LYPLA1: variants seen among roughly 807,000 people sequenced by gnomAD.
LYPLA1 encodes lysophospholipase 1, also known as acyl-protein thioesterase 1.
LYPLA1 carries 17 observed loss-of-function variants against 34.0 expected under a neutral mutation model. The ratio of observed to expected loss-of-function variants is 0.50; its 90% CI spans 0.34 to 0.75. LYPLA1 has a LOEUF of 0.75. Among genes scored for constraint, LYPLA1 ranks in the 30% least tolerant of loss-of-function variants. The probability of loss-of-function intolerance (pLI) is 0.01; values close to 1 mark genes in which losing one functional copy is unlikely to be tolerated. For missense variants in LYPLA1, 203 were observed against 288.8 expected (o/e 0.70, Z 2.15); for synonymous variants, 98 against 100.8 (o/e 0.97, Z 0.17).
At chr8:54,062,697 A>G (rs1586100038) in intron 4 of LYPLA1, among the ~76,000 whole-genome samples, 1 of 152,020 alleles carries the variant, frequency 6.6e-6, no homozygotes, top group African/African-American at 2.4e-5. Flanking sequence ...TTTTTAGTAG[A>G]CATGGGGTTT....
At chr8:54,101,572 G>C in intron 1 of LYPLA1, 183 bp downstream of exon 1, 1 of 1,151,900 alleles carries the variant, frequency 8.7e-7, no homozygotes, top group Non-Finnish European at 1.1e-6. Flanking sequence ...CGCCGGCTGT[G>C]ACCCCCCGGC....
chr8:54,083,098 A>AAT (rs1808437638), intron 2 of LYPLA1, among the ~76,000 whole-genome samples: 2 of 152,212 alleles, frequency 1.3e-5, no homozygotes, highest in African/African-American at 4.8e-5. Context: ...TTAAAACATT[A>AAT]ATGTCACAAA....
At chr8:54,079,785 A>C (rs1464752931) in intron 2 of LYPLA1, among the ~76,000 whole-genome samples, 2 of 152,032 alleles carry the variant, frequency 1.3e-5, no homozygotes, top group African/African-American at 4.8e-5. Flanking sequence ...ACAGACTGAG[A>C]CCTCGTTTCC....
intron 2 of LYPLA1, among the ~76,000 whole-genome samples, chr8:54,084,124 G>GAAAAAAAAAAAAAA (rs201545035): frequency 1.1e-4 from 6 of 56,368 alleles, no homozygotes; most frequent in African/African-American, 5.4e-4. Flanking sequence ...GGAGACCAAA[G>GAAAAAAAAAAAAAA]AAAAAAAAAA....
At chr8:54,065,633 A>G (rs1807006764) in intron 3 of LYPLA1, 115 bp downstream of exon 3, 2 of 646,520 alleles carry the variant, frequency 3.1e-6, no homozygotes, top group Non-Finnish European at 2.6e-6. Context: ...ATTTTTAAAC[A>G]ATATTTAAAA....
At chr8:54,091,998 A>AG (rs1450711959) in intron 2 of LYPLA1, among the ~76,000 whole-genome samples, 1 of 151,832 alleles carries the variant, frequency 6.6e-6, no homozygotes, top group African/African-American at 2.4e-5. Flanking sequence ...TGAACCCAGG[A>AG]GGTCAAGGCT....
intron 2 of LYPLA1, among the ~76,000 whole-genome samples, chr8:54,094,081 C>T (rs1252874830): frequency 6.6e-6 from 1 of 152,194 alleles, no homozygotes; most frequent in South Asian, 2.1e-4. Context: ...AAATCCTCAC[C>T]TTGTTTGACC....
chr8:54,056,913 A>C (rs1335702440), intron 5 of LYPLA1, among the ~76,000 whole-genome samples: 1 of 152,154 alleles, frequency 6.6e-6, no homozygotes, highest in Non-Finnish European at 1.5e-5. Context: ...CTCTGTCTCA[A>C]AACAAACAAG....
intron 2 of LYPLA1, among the ~76,000 whole-genome samples, chr8:54,093,228 A>G (rs1809441314): frequency 6.6e-6 from 1 of 152,250 alleles, no homozygotes; most frequent in African/African-American, 2.4e-5. Context: ...ATAATGGTGT[A>G]GTTGAACAGT....
intron 2 of LYPLA1, among the ~76,000 whole-genome samples, chr8:54,085,743 CA>C (rs554458629): frequency 0.045 from 6,824 of 150,558 alleles, 219 homozygotes; most frequent in Middle Eastern, 0.082. Flanking sequence ...TCCGCCCGGC[CA>C]GCCGCCCCGT....
rs540184623 is a variant in LYPLA1, at chr8:54,101,342, C to A, written c.70-403G>T. On this transcript the variant is annotated intron_variant, in intron 1 of 8. Transcript: ENST00000316963. ...TACACGAGTTTTCTAAAAAACAGTA[C>A]GTCTGACCTTGTAGGACACTCAATC... 3.7e-5 allele frequency: 40 copies of A among 1,071,692 alleles called. No homozygotes were observed. The African/African-American group carries it at 5.9e-4, about 16-fold the overall frequency. The allele number at this position is 1,071,692 out of a possible 1,614,324, so 66.4% of individuals were successfully genotyped here. A position where few individuals can be genotyped will look rare whatever the true frequency, so the allele number is the denominator to read the frequency against.
intron 1 of LYPLA1, 25 bp downstream of exon 1, chr8:54,101,730 C>A: frequency 2.3e-6 from 3 of 1,292,078 alleles, no homozygotes; most frequent in Non-Finnish European, 3.0e-6. Context: ...GTGGACCCCT[C>A]CGAGCCCACG....
chr8:54,076,354 C>T (rs1361597543), intron 2 of LYPLA1, among the ~76,000 whole-genome samples: 4 of 152,190 alleles, frequency 2.6e-5, no homozygotes, highest in Non-Finnish European at 5.9e-5. Context: ...TGGATAAAAA[C>T]ACTTGGAAGC....
chr8:54,063,485 TAC>T (rs1806813549), intron 3 of LYPLA1, 110 bp from the exon 4 acceptor site: 2 of 718,116 alleles, frequency 2.8e-6, no homozygotes, highest in Admixed American at 2.9e-5. Flanking sequence ...AACTATATGC[TAC>T]AGTTTTAACA....
intron 7 of LYPLA1, among the ~76,000 whole-genome samples, chr8:54,052,039 T>C (rs1298808517): frequency 6.6e-6 from 1 of 151,610 alleles, no homozygotes; most frequent in Non-Finnish European, 1.5e-5. Context: ...TTAGTAGCCA[T>C]GGGGTTTCAC....
chr8:54,069,462 C>G (rs1254021521), intron 2 of LYPLA1, among the ~76,000 whole-genome samples: 1 of 152,018 alleles, frequency 6.6e-6, no homozygotes, highest in Non-Finnish European at 1.5e-5. Context: ...GCCTGTAATC[C>G]CAGCACTTTG....
At chr8:54,055,359 C>T (rs887936277) in intron 5 of LYPLA1, among the ~76,000 whole-genome samples, 1 of 151,992 alleles carries the variant, frequency 6.6e-6, no homozygotes, top group Non-Finnish European at 1.5e-5. Context: ...TTCCGATAGT[C>T]ACACATAAAA....
intron 2 of LYPLA1, among the ~76,000 whole-genome samples, chr8:54,069,734 T>C (rs1295706248): frequency 1.3e-5 from 2 of 150,786 alleles, no homozygotes; most frequent in Non-Finnish European, 1.5e-5. Flanking sequence ...AAAAGGAATA[T>C]ACTAAATGTC....
chr8:54,043,144 C>G (rs1215347377), downstream of LYPLA1: 1 of 152,186 alleles, frequency 6.6e-6, no homozygotes, highest in African/African-American at 2.4e-5. Context: ...TTCAATGCAG[C>G]CTCGCACTCG....
Sources: gnomAD v4.1 joint callset for allele counts (sites outside exome capture counted in the v4.1 genomes callset) on GRCh38, gnomAD v4.1.1 for gene constraint, MANE v1.5 for transcripts, NCBI Gene and HGNC (gene_info 2026-07-23, HGNC 2026-07-21) for gene names.